Variants in RRP1 observed in about 807,000 individuals in gnomAD.
RRP1 encodes the protein ribosomal RNA processing protein 1 homolog A.
A neutral mutation model predicts 54.6 loss-of-function variants in RRP1; 37 were observed. That is an observed-to-expected ratio of 0.68 (90% confidence interval 0.52 to 0.89). The LOEUF is 0.89. Ranked by LOEUF, RRP1 falls within the 40% of genes least tolerant of loss-of-function variation. RRP1 has a pLI of 0.00. For synonymous variants in RRP1, 262 were observed against 244.3 expected, an observed-to-expected ratio of 1.07 and a Z score of -0.67; for missense variants, 639 against 612.5, an observed-to-expected ratio of 1.04 and a Z score of -0.46.
intron 9 of RRP1, 26 bp from the exon 10 acceptor site, chr21:43,800,491 T>A: frequency 6.2e-7 from 1 of 1,611,782 alleles, no homozygotes; most frequent in Non-Finnish European, 8.5e-7. Context: ...TGACCTTGCC[T>A]CTGTGACGTC....
At chr21:43,790,801 C>G (rs533791679) in intron 1 of RRP1, 1 of 330,014 alleles carries the variant, frequency 3.0e-6, no homozygotes, top group African/African-American at 2.2e-5. Context: ...GTTGCCCAGA[C>G]TGGTCTTGAA....
At position 43,802,329 on chromosome 21, in the gene RRP1, G is replaced by A. The variant is rs1466207269; in HGVS notation, c.1065G>A (p.Gly355=). The change falls in exon 12 of 13, where the codon GGG becomes GGA. Residue 355 remains glycine (G), a synonymous_variant. Transcript: ENST00000497547. Reference sequence around the variant, plus strand: ...AGGCCTGCAGGCGCCTGCTTGAAGGGAGGCGGCAGAAGAAGACGAAGAAGC... The same window carrying A: ...AGGCCTGCAGGCGCCTGCTTGAAGGAAGGCGGCAGAAGAAGACGAAGAAGC... ...PEKACRRLLE[G]RRQKKTKKQK... 1 of 1,614,022 alleles carries A rather than the reference G, an allele frequency of 6.2e-7. No individual in the cohort carries two copies. The highest frequency in any genetic ancestry group is 8.5e-7 in the Non-Finnish European group (1 of 1,180,008).
chr21:43,803,616 C>T lies in RRP1; in HGVS notation c.1228C>T (p.Pro410Ser), dbSNP rs1323616286. Residue 410 changes from proline to serine, a missense_variant, in exon 13 of 13, where the codon CCA becomes TCA. Physicochemically the swap from Pro to Ser is moderately conservative, Grantham distance 74 (BLOSUM62 -1). Coordinates refer to ENST00000497547, the MANE Select transcript of RRP1 (RefSeq NM_003683.6). ...PEARAEAGEQ[P>S]GTAERALLRD... ...GGCGCGGGCAGAGGCTGGTGAGCAG[C>T]CAGGCACAGCTGAGCGGGCCCTGCT... The T allele has an allele frequency of 1.9e-6, 3 of 1,551,200 alleles. No individual in the cohort carries two copies. The highest frequency in any genetic ancestry group is 3.9e-5 in the Admixed American group (2 of 51,150).
At chr21:43,797,598 G>A (rs776567048) in intron 6 of RRP1, 33 bp from the exon 7 acceptor site, 6 of 1,614,106 alleles carry the variant, frequency 3.7e-6, no homozygotes, top group South Asian at 2.2e-5. Context: ...GTTTGTGGAG[G>A]AGGAACTGAG....
At position 43,805,270 on chromosome 21, in the gene RRP1, C is replaced by CT. The variant is rs2085132358; in HGVS notation, c.*1497dup. The CT allele has an allele frequency of 8.3e-6, 1 of 120,374 alleles. No homozygotes were observed. The highest frequency in any genetic ancestry group is 1.6e-5 in the Non-Finnish European group (1 of 61,072). The allele number at this position is 120,374 out of a possible 1,614,324, so 7.5% of individuals were successfully genotyped here. A position where few individuals can be genotyped will look rare whatever the true frequency, so the allele number is the denominator to read the frequency against. On this transcript the variant is annotated 3_prime_UTR_variant, in exon 13 of 13. Transcript: ENST00000497547. Reference sequence around the variant, plus strand: ...CAGCCTGGGCAACGAGAGGGAAACTCTGTTTCAAAAAAAAAAAAAAAAAGA... The same window carrying CT: ...CAGCCTGGGCAACGAGAGGGAAACTCTTGTTTCAAAAAAAAAAAAAAAAAGA...
At chr21:43,791,643 C>T (rs151048596) in intron 2 of RRP1, among the ~76,000 whole-genome samples, 1,555 of 152,246 alleles carry the variant, frequency 0.01, 21 homozygotes, top group Middle Eastern at 0.051. Flanking sequence ...GCTGGGAGTA[C>T]AGGTACCTGC....
intron 4 of RRP1, 37 bp downstream of exon 4, chr21:43,793,441 G>C: frequency 1.3e-6 from 2 of 1,579,082 alleles, no homozygotes; most frequent in Non-Finnish European, 1.7e-6. Context: ...GGCGGGGGCA[G>C]CGCGGGTCTC....
Position 43,802,704 on chromosome 21 carries a change from G to A in RRP1, c.1123+317G>A, listed in dbSNP as rs76770638. On this transcript the variant is annotated intron_variant, in intron 12 of 12. Coordinates refer to ENST00000497547, the MANE Select transcript of RRP1 (RefSeq NM_003683.6). Reference sequence around the variant, plus strand: ...TCCGTCTTAGATCCAAGCCCCGTCCGCTCCTCTCCCGCACCCTCCAGAGAT... The same window carrying A: ...TCCGTCTTAGATCCAAGCCCCGTCCACTCCTCTCCCGCACCCTCCAGAGAT... Among the ~76,000 whole-genome samples, 1,018 of 152,240 alleles carry A rather than the reference G, an allele frequency of 6.7e-3. 14 individuals carry two copies. The highest frequency in any genetic ancestry group is 0.024 in the African/African-American group (983 of 41,550).
Position 43,793,358 on chromosome 21 carries a change from G to C in RRP1, c.314G>C (p.Arg105Pro). ...FLQAFWQTMN[R>P]EWTGIDRLRL... The stretch of plus-strand genomic sequence containing the variant: ...CAGGCCTTCTGGCAGACCATGAATC[G>C]CGAGTGGACGGGCATTGACAGGCTG... Residue 105 changes from arginine (R) to proline (P), a missense_variant, in exon 4 of 13, where the codon CGC (arginine) becomes CCC (proline). By Grantham distance (103) the Arg-to-Pro change is moderately radical. Transcript: ENST00000497547. The C allele has an allele frequency of 6.2e-7, 1 of 1,614,050 alleles. No homozygotes were observed. Among genetic ancestry groups the C allele is most frequent in the Non-Finnish European group, 8.5e-7 (1 of 1,180,020 alleles).
At chr21:43,797,357 T>G in intron 5 of RRP1, 65 bp from the exon 6 acceptor site, 2 of 1,541,742 alleles carry the variant, frequency 1.3e-6, no homozygotes, top group Non-Finnish European at 1.7e-6. Context: ...CATGGGAGAG[T>G]GGGGGGCACG....
intron 4 of RRP1, among the ~76,000 whole-genome samples, chr21:43,793,845 T>C (rs938943538): frequency 1.8e-4 from 28 of 152,170 alleles, no homozygotes; most frequent in African/African-American, 6.3e-4. Context: ...TCCTCCCTCA[T>C]TGTATCCCCG....
At position 43,797,894 on chromosome 21, in the gene RRP1, C is replaced by T; in HGVS notation, c.618-13C>T. 1.2e-6 allele frequency: 2 copies of T among 1,610,234 alleles called. No homozygotes were observed. Among genetic ancestry groups the T allele is most frequent in the Non-Finnish European group, 1.7e-6 (2 of 1,177,322 alleles). ...TAACGGGCCTGCTCACCGGCCTCTG[C>T]TCTGCCCCTCAGTTCCTTGGTTTTG... On this transcript the variant is annotated splice_polypyrimidine_tract_variant and intron_variant, in intron 7 of 12. Coordinates refer to ENST00000497547, the MANE Select transcript of RRP1 (RefSeq NM_003683.6).
At position 43,789,597 on chromosome 21, in the gene RRP1, A is replaced by C. The variant is rs771210732; in HGVS notation, c.-33A>C. On this transcript the variant is annotated 5_prime_UTR_variant, in exon 1 of 13. Coordinates refer to ENST00000497547, the MANE Select transcript of RRP1 (RefSeq NM_003683.6). Reference sequence around the variant, plus strand: ...TGCTCAGTGTGCTGGGTACCAGGCGACTCCGGGACAGGGGGTCTCGGCCGT... The same window carrying C: ...TGCTCAGTGTGCTGGGTACCAGGCGCCTCCGGGACAGGGGGTCTCGGCCGT... 2.5e-6 allele frequency: 4 copies of C among 1,573,762 alleles called. 1 individual carries two copies. Among genetic ancestry groups the C allele is most frequent in the Middle Eastern group, 3.4e-4 (2 of 5,960 alleles).
intron 2 of RRP1, 122 bp from the exon 3 acceptor site, chr21:43,792,550 C>G: frequency 1.0e-6 from 1 of 963,608 alleles, no homozygotes; most frequent in Non-Finnish European, 1.6e-6. Flanking sequence ...GCTGAGACCC[C>G]CTGGAAGCCG....
chr21:43,791,532 C>G, intron 2 of RRP1, 100 bp downstream of exon 2: 4 of 1,099,240 alleles, frequency 3.6e-6, no homozygotes, highest in Non-Finnish European at 5.4e-6. Flanking sequence ...GTCGGAGTTT[C>G]GCTCTTGTTG....
At position 43,797,975 on chromosome 21, in the gene RRP1, T is replaced by C. The variant is rs1415824343; in HGVS notation, c.686T>C (p.Ile229Thr). Residue 229 changes from isoleucine to threonine, a missense_variant, in exon 8 of 13, where the codon ATT becomes ACT. Coordinates refer to ENST00000497547, the MANE Select transcript of RRP1 (RefSeq NM_003683.6). ...ATTGTGGAGCAGGCCCCGCTTGCCA[T>C]TGAAGACCTCCTGAATGAACTGGAC... is the stretch of plus-strand genomic sequence containing the variant. ...ETIVEQAPLA[I>T]EDLLNELDTQ... 6.2e-7 allele frequency: 1 copy of C among 1,614,160 alleles called. No individual in the cohort carries two copies. Among genetic ancestry groups the C allele is most frequent in the East Asian group, 2.2e-5 (1 of 44,878 alleles).
chr21:43,792,597 G>T, intron 2 of RRP1, 75 bp from the exon 3 acceptor site: 2 of 1,396,008 alleles, frequency 1.4e-6, no homozygotes, highest in South Asian at 2.3e-5. Flanking sequence ...GTGGGTGAGT[G>T]GGTGGTTGCG....
rs1204888511 is a variant in RRP1, at chr21:43,797,900, C to T, written c.618-7C>T. The stretch of plus-strand genomic sequence containing the variant: ...GCCTGCTCACCGGCCTCTGCTCTGC[C>T]CCTCAGTTCCTTGGTTTTGAACAAC... On this transcript the variant is annotated splice_polypyrimidine_tract_variant and splice_region_variant and intron_variant, in intron 7 of 12. Coordinates refer to ENST00000497547, the MANE Select transcript of RRP1 (RefSeq NM_003683.6). 7 of 1,611,434 alleles carry T rather than the reference C, an allele frequency of 4.3e-6. No homozygotes were observed. The highest frequency in any genetic ancestry group is 1.7e-5 in the Admixed American group (1 of 59,896).
In RRP1 at chr21:43,798,062, A is replaced by T. The variant is rs753827154; in HGVS notation, c.773A>T (p.Asp258Val). 1.9e-6 allele frequency: 3 copies of T among 1,613,810 alleles called. No homozygotes were observed. The African/African-American group carries it at 4.0e-5, about 22-fold the overall frequency. Residue 258 changes from aspartate (D) to valine (V), a missense_variant, in exon 8 of 13, where the codon GAC (aspartate) becomes GTC (valine). Physicochemically the swap from Asp to Val is radical, Grantham distance 152. Transcript: ENST00000497547. ...DESSEGGERG[D>V]ALSQKRSEKP... Reference sequence around the variant, plus strand: ...TCCTCTGAGGGTGGTGAGCGTGGAGACGCGCTGTCCCAGAAGAGGTCTGAG... The same window carrying T: ...TCCTCTGAGGGTGGTGAGCGTGGAGTCGCGCTGTCCCAGAAGAGGTCTGAG...
Sources: allele counts gnomAD v4.1 joint callset (sites outside exome capture counted in the v4.1 genomes callset), GRCh38; gene constraint gnomAD v4.1.1; transcripts MANE v1.5; gene names NCBI Gene and HGNC (gene_info 2026-07-23, HGNC 2026-07-21).